The following AZI2 variants were observed in gnomAD, a reference collection of about 807,000 sequenced individuals.
AZI2 encodes the protein 5-azacytidine-induced protein 2.
A neutral mutation model predicts 45.8 loss-of-function variants in AZI2; 22 were observed. The ratio of observed to expected loss-of-function variants is 0.48; its 90% CI spans 0.34 to 0.69. The LOEUF (loss-of-function observed/expected upper bound fraction) is 0.69. AZI2 is among the 30% of genes least tolerant of loss of function. The pLI is 0.01. For missense variants in AZI2, 417 were observed against 441.5 expected (o/e 0.94, Z 0.50); for synonymous variants, 137 against 156.7 (o/e 0.87, Z 0.94).
intron 2 of AZI2, among the ~76,000 whole-genome samples, chr3:28,339,125 G>T (rs1219801495): frequency 6.6e-6 from 1 of 151,782 alleles, no homozygotes; most frequent in Non-Finnish European, 1.5e-5. Flanking sequence ...GAATATAGGT[G>T]CACCACCACG....
chr3:28,346,306 T>G (rs750754817), intron 1 of AZI2, among the ~76,000 whole-genome samples: 7 of 152,152 alleles, frequency 4.6e-5, no homozygotes, highest in Non-Finnish European at 1.0e-4. Flanking sequence ...ATGATAGGGT[T>G]AGACTACATC....
At chr3:28,340,777 T>G (rs1703984074) in intron 1 of AZI2, among the ~76,000 whole-genome samples, 155 bp from the exon 2 acceptor site, 1 of 152,114 alleles carries the variant, frequency 6.6e-6, no homozygotes. Context: ...AGTGTCTGAC[T>G]TTGGGCAAGT....
At position 28,343,774 on chromosome 3, in the gene AZI2, G is replaced by C. The variant is rs1704121329; in HGVS notation, c.-5-3152C>G. ...CTATTAATATTTTCCCCTCTCCAATGAATCTTTTACAAAATCTTACACTCC... is the reference window on the plus strand; with the variant it reads ...CTATTAATATTTTCCCCTCTCCAATCAATCTTTTACAAAATCTTACACTCC... On this transcript the variant is annotated intron_variant, in intron 1 of 7. Transcript: ENST00000479665. Among the ~76,000 whole-genome samples, 5 of 151,870 alleles carry C rather than the reference G, an allele frequency of 3.3e-5. No homozygotes were observed. The South Asian group carries it at 1.0e-3, about 31-fold the overall frequency.
chr3:28,335,366 A>G (rs1404769945), intron 5 of AZI2, among the ~76,000 whole-genome samples: 1 of 151,938 alleles, frequency 6.6e-6, no homozygotes, highest in East Asian at 1.9e-4. Flanking sequence ...CTGTAAACCC[A>G]TCTTTTGAAA....
At chr3:28,328,057 T>C (rs943355821) in intron 6 of AZI2, among the ~76,000 whole-genome samples, 3 of 150,530 alleles carry the variant, frequency 2.0e-5, no homozygotes, top group Admixed American at 6.7e-5. Flanking sequence ...TATTTTGAAT[T>C]CTGTAAGGTG....
intron 7 of AZI2, chr3:28,326,626 G>A: frequency 1.8e-6 from 1 of 564,024 alleles, no homozygotes; most frequent in East Asian, 3.2e-5. Flanking sequence ...CAGTACTGAA[G>A]AAAAAACACA....
intron 1 of AZI2, 188 bp downstream of exon 1, chr3:28,348,413 G>GA (rs1704356516): frequency 6.6e-6 from 1 of 152,568 alleles, no homozygotes; most frequent in South Asian, 2.1e-4. Flanking sequence ...AAAGGGTGTG[G>GA]ACAGCTGGGT....
Position 28,340,040 on chromosome 3 carries a change from T to C in AZI2, c.216+362A>G, listed in dbSNP as rs527246092. The stretch of plus-strand genomic sequence containing the variant: ...TATTATTAAACCTATTGGACAATGT[T>C]CCAGAAGCTTCCTCCTTTGATACTT... On this transcript the variant is annotated intron_variant, in intron 2 of 7. Transcript: ENST00000479665. 2.6e-5 allele frequency among the ~76,000 whole-genome samples: 4 copies of C among 152,068 alleles called. No homozygotes were observed. The South Asian group carries it at 8.3e-4, about 32-fold the overall frequency.
At chr3:28,324,507 A>G (rs1703308849) in intron 7 of AZI2, 53 bp from the exon 8 acceptor site, 1 of 1,378,080 alleles carries the variant, frequency 7.3e-7, no homozygotes, top group East Asian at 2.4e-5. Context: ...TGTGATCATA[A>G]AATTCGATAA....
Position 28,340,592 on chromosome 3 carries a change from A to G in AZI2, c.26T>C (p.Ile9Thr), listed in dbSNP as rs750652459. 2.4e-5 allele frequency: 38 copies of G among 1,611,622 alleles called. No individual in the cohort carries two copies. The highest frequency in any genetic ancestry group is 3.1e-5 in the Non-Finnish European group (36 of 1,179,008). Residue 9 changes from isoleucine to threonine, a missense_variant, in exon 2 of 8, where the codon ATC (isoleucine) becomes ACC (threonine). Coordinates refer to ENST00000479665, the MANE Select transcript of AZI2 (RefSeq NM_022461.5). MDALVEDD[I>T]CILNHEKAHK... Reference sequence around the variant, plus strand: ...GGCTTTTTCATGATTCAGAATACAGATATCATCTTCTACCAGTGCATCCAT... The same window carrying G: ...GGCTTTTTCATGATTCAGAATACAGGTATCATCTTCTACCAGTGCATCCAT...
At chr3:28,339,787 A>C (rs1005346139) in intron 2 of AZI2, among the ~76,000 whole-genome samples, 3 of 152,146 alleles carry the variant, frequency 2.0e-5, no homozygotes, top group African/African-American at 7.2e-5. Flanking sequence ...AAAACTCAAA[A>C]ATAAAAGGAT....
In AZI2 at chr3:28,338,591, T is replaced by TTTC. The variant is rs1032214763; in HGVS notation, c.238_240dup (p.Glu80dup). 1 of 1,610,442 alleles carries TTTC rather than the reference T, an allele frequency of 6.2e-7. No homozygotes were observed. The highest frequency in any genetic ancestry group is 1.3e-5 in the African/African-American group (1 of 74,886). On this transcript the variant is annotated inframe_insertion, in exon 3 of 8. Transcript: ENST00000479665. ...ACTTGTTCTCGTCCCACGGAACTTG[T>TTTC]TTCTTCTTCAAATCGAGCTATTAGC...
chr3:28,324,613 A>T, intron 7 of AZI2, 159 bp from the exon 8 acceptor site: 3 of 565,988 alleles, frequency 5.3e-6, no homozygotes, highest in Middle Eastern at 4.1e-4. Flanking sequence ...TAAATGACAG[A>T]TGATCTGAGT....
At chr3:28,332,815 GT>G (rs990172534) in intron 5 of AZI2, among the ~76,000 whole-genome samples, 1 of 151,620 alleles carries the variant, frequency 6.6e-6, no homozygotes, top group Non-Finnish European at 1.5e-5. Flanking sequence ...GAAAATGGAA[GT>G]TTTTTTGGTA....
chr3:28,331,719 G>C (rs891341064), intron 6 of AZI2: 1 of 1,367,860 alleles, frequency 7.3e-7, no homozygotes, highest in Admixed American at 2.9e-5. Context: ...TGGATGGAGG[G>C]TAACAATGTA....
intron 1 of AZI2, among the ~76,000 whole-genome samples, chr3:28,345,998 T>G (rs1439716503): frequency 1.3e-5 from 2 of 152,138 alleles, no homozygotes; most frequent in African/African-American, 4.8e-5. Context: ...CTAAGTACTG[T>G]TATGAAGAAA....
chr3:28,338,796 A>G (rs1008346882), intron 2 of AZI2, among the ~76,000 whole-genome samples, 181 bp from the exon 3 acceptor site: 2 of 152,148 alleles, frequency 1.3e-5, no homozygotes, highest in African/African-American at 4.8e-5. Context: ...AATGTGTAGA[A>G]TATTTTTTGA....
rs1334129791 is a variant in AZI2 at position 28,345,410 on chromosome 3, T to G, written c.-6+3191A>C. 2.0e-5 allele frequency among the ~76,000 whole-genome samples: 3 copies of G among 152,114 alleles called. No homozygotes were observed. In the East Asian group the frequency reaches 5.8e-4, roughly 29 times the overall value. On this transcript the variant is annotated intron_variant, in intron 1 of 7. Transcript: ENST00000479665. ...CATCTCATCACAATATAGTGGGGTGTTAAATAAAGCACATTTATAGGCAAA... is the reference window on the plus strand; with the variant it reads ...CATCTCATCACAATATAGTGGGGTGGTAAATAAAGCACATTTATAGGCAAA...
At chr3:28,332,081 G>A (rs1256732856) in intron 6 of AZI2, 2 of 635,932 alleles carry the variant, frequency 3.1e-6, no homozygotes, top group African/African-American at 1.8e-5. Context: ...TACAAATTCA[G>A]TATTACAGAA....
Sources: allele counts gnomAD v4.1 joint callset (sites outside exome capture counted in the v4.1 genomes callset), GRCh38; gene constraint gnomAD v4.1.1; transcripts MANE v1.5; gene names NCBI Gene and HGNC (gene_info 2026-07-23, HGNC 2026-07-21).